Variants in IFNA4 observed in about 807,000 individuals in gnomAD.
IFNA4 encodes interferon alpha-4.
For missense variants in IFNA4, 225 were observed against 214.9 expected, an observed-to-expected ratio of 1.05 and a Z score of -0.29; for synonymous variants, 84 against 86.0, an observed-to-expected ratio of 0.98 and a Z score of 0.13.
At chr9:21,187,055 G>A (rs752292187) in exon 1 of IFNA4, 3 of 1,614,026 alleles carry the variant, frequency 1.9e-6, no homozygotes, top group Admixed American at 3.3e-5. Context: ...CACAAGGGCT[G>A]TATTTCTTCT....
At chr9:21,187,217 T>C in exon 1 of IFNA4, 2 of 1,612,672 alleles carry the variant, frequency 1.2e-6, no homozygotes, top group Non-Finnish European at 1.7e-6. Flanking sequence ...AAAATTTTTC[T>C]AGGAGGCTCT....
rs773227777 is a variant in IFNA4, at chr9:21,186,958, G to A, written c.*4C>T. 6.5e-5 allele frequency: 105 copies of A among 1,613,776 alleles called. 1 individual carries two copies. The Middle Eastern group carries it at 6.7e-4, about 10-fold the overall frequency. On this transcript the variant is annotated 3_prime_UTR_variant, in exon 1 of 1. Transcript: ENST00000421715. ...TCAGGATCATTTCCATGTTGAACCA[G>A]GTTTCAATCCTTCCTCCTTAATCTT...
exon 1 of IFNA4, chr9:21,187,077 A>G: frequency 6.2e-7 from 1 of 1,614,142 alleles, no homozygotes. Flanking sequence ...TGTTAGATAA[A>G]GAGTGATTCT....
At chr9:21,186,845 G>C in exon 1 of IFNA4, 3 of 1,536,638 alleles carry the variant, frequency 2.0e-6, no homozygotes, top group Non-Finnish European at 2.6e-6. Flanking sequence ...GAAAACATTT[G>C]AAAATTTTGA....
In IFNA4 at chr9:21,187,135, G is replaced by A. The variant is rs767919977; in HGVS notation, c.397C>T (p.Pro133Ser). The change falls in exon 1 of 1, where the codon CCC (proline) becomes TCC (serine). Residue 133 changes from proline (P) to serine (S), a missense_variant. By Grantham distance (74) the Pro-to-Ser change is moderately conservative. Coordinates refer to ENST00000421715, the Ensembl canonical transcript of IFNA4. ...AGGATGGAGTCCTCATTCATCAGGG[G>A]AGTCTCTTCCACCCCAACCTCCTGT... 7 of 1,613,990 alleles carry A rather than the reference G, an allele frequency of 4.3e-6. No individual in the cohort carries two copies. In the Middle Eastern group the frequency reaches 8.3e-4, roughly 190 times the overall value.
exon 1 of IFNA4, chr9:21,186,954 A>G (rs767568324): frequency 1.2e-6 from 2 of 1,613,784 alleles, no homozygotes; most frequent in Non-Finnish European, 1.7e-6. Context: ...TCCATGTTGA[A>G]CCAGGTTTCA....
exon 1 of IFNA4, chr9:21,186,830 C>A: frequency 1.4e-6 from 2 of 1,465,876 alleles, no homozygotes; most frequent in Non-Finnish European, 1.8e-6. Flanking sequence ...CTTCTTCACA[C>A]TGCTGAAAAC....
At chr9:21,186,940 C>A (rs1817911657) in exon 1 of IFNA4, 3 of 1,613,182 alleles carry the variant, frequency 1.9e-6, no homozygotes, top group Non-Finnish European at 2.5e-6. Flanking sequence ...CAATCAGGAT[C>A]ATTTCCATGT....
exon 1 of IFNA4, chr9:21,187,411 G>C: frequency 6.2e-7 from 1 of 1,614,158 alleles, no homozygotes; most frequent in Non-Finnish European, 8.5e-7. Flanking sequence ...ATTTGTGCCA[G>C]GAGTATCAAG....
chr9:21,186,798 G>T, exon 1 of IFNA4: 2 of 1,002,610 alleles, frequency 2.0e-6, no homozygotes, highest in South Asian at 1.7e-5. Context: ...AAGGACTAGT[G>T]CCTGCACAGG....
chr9:21,186,924 A>T, exon 1 of IFNA4: 2 of 1,611,284 alleles, frequency 1.2e-6, no homozygotes, highest in Non-Finnish European at 1.7e-6. Flanking sequence ...GAGATAATGT[A>T]TTAGTCAATC....
downstream of IFNA4, chr9:21,186,658 G>C (rs1817904777): frequency 6.0e-6 from 1 of 165,426 alleles, no homozygotes; most frequent in African/African-American, 2.4e-5. Flanking sequence ...TAAATATGAA[G>C]AACATATATT....
chr9:21,186,793 C>T, exon 1 of IFNA4: 1 of 917,470 alleles, frequency 1.1e-6, no homozygotes, highest in South Asian at 1.8e-5. Context: ...CTGTAAAGGA[C>T]TAGTGCCTGC....
At chr9:21,187,328 G>A (rs368032035) in exon 1 of IFNA4, 24 of 1,614,078 alleles carry the variant, frequency 1.5e-5, no homozygotes, top group Non-Finnish European at 1.9e-5. Flanking sequence ...GGAACTGGTG[G>A]CCATCAAACT....
At chr9:21,187,337 C>G in exon 1 of IFNA4, 1 of 1,614,138 alleles carries the variant, frequency 6.2e-7, no homozygotes, top group Non-Finnish European at 8.5e-7. Flanking sequence ...GGCCATCAAA[C>G]TCCTCCTCGG....
exon 1 of IFNA4, chr9:21,187,544 A>G: frequency 6.3e-7 from 1 of 1,593,710 alleles, no homozygotes. Context: ...GGATGTTGCA[A>G]ATATTGCTAG....
At chr9:21,186,784 T>G (rs1463914592) in exon 1 of IFNA4, 7 of 763,260 alleles carry the variant, frequency 9.2e-6, no homozygotes, top group Non-Finnish European at 1.2e-5. Context: ...CATTGTCATC[T>G]GTAAAGGACT....
chr9:21,186,671 T>G (rs1744984580), downstream of IFNA4: 1 of 174,582 alleles, frequency 5.7e-6, no homozygotes, highest in Non-Finnish European at 1.2e-5. Flanking sequence ...CATATATTGT[T>G]ACATTCACCA....
exon 1 of IFNA4, chr9:21,187,355 G>C (rs147890478): frequency 6.2e-7 from 1 of 1,614,164 alleles, no homozygotes; most frequent in Non-Finnish European, 8.5e-7. Context: ...CGGGGAATCC[G>C]AAATCATGTC....
Sources: gnomAD v4.1 joint callset for allele counts on GRCh38, gnomAD v4.1.1 for gene constraint, MANE v1.5 for transcripts, NCBI Gene and HGNC (gene_info 2026-07-23, HGNC 2026-07-21) for gene names.